NDUFS4: variants seen among roughly 807,000 people sequenced by gnomAD.
NDUFS4 encodes the protein NADH dehydrogenase [ubiquinone] iron-sulfur protein 4, mitochondrial.
Under a neutral mutation model 24.3 loss-of-function variants are expected in NDUFS4, and 28 were observed. The ratio of observed to expected loss-of-function variants is 1.15; its 90% confidence interval spans 0.85 to 1.58. NDUFS4 has a LOEUF of 1.58. Among genes scored for constraint, NDUFS4 ranks in the 40% most tolerant of loss-of-function variants. NDUFS4 has a pLI of 0.00. For missense variants in NDUFS4, 223 were observed against 207.9 expected, an observed-to-expected ratio of 1.07 and a Z score of -0.45; for synonymous variants, 93 against 69.7, an observed-to-expected ratio of 1.34 and a Z score of -1.67.
chr5:53,594,527 G>A (rs1579849748), intron 1 of NDUFS4, among the ~76,000 whole-genome samples: 2 of 151,998 alleles, frequency 1.3e-5, no homozygotes, highest in African/African-American at 4.8e-5. Context: ...TGCATTTAAA[G>A]TGATTATTGA....
chr5:53,620,500 CTG>C (rs1751000588), intron 2 of NDUFS4, among the ~76,000 whole-genome samples: 1 of 152,162 alleles, frequency 6.6e-6, no homozygotes, highest in African/African-American at 2.4e-5. Context: ...TCACAAATCT[CTG>C]TATACTAGGC....
chr5:53,586,817 C>A (rs539864351), intron 1 of NDUFS4, among the ~76,000 whole-genome samples: 5 of 152,050 alleles, frequency 3.3e-5, no homozygotes, highest in African/African-American at 1.2e-4. Flanking sequence ...GCCACCGTGC[C>A]CAGCCTGTTT....
At position 53,646,289 on chromosome 5, in the gene NDUFS4, G is replaced by A. The variant is rs1751860698; in HGVS notation, c.234G>A (p.Arg78=). ...PEEHIKTRKV[R]IFVPARNNMQ... The stretch of plus-strand genomic sequence containing the variant: ...AGCATATAAAAACTAGAAAAGTCAG[G>A]ATCTTTGTTCCTGCTCGCAATAACA... Residue 78 remains arginine, a synonymous_variant, in exon 3 of 5, where the codon AGG becomes AGA. Transcript: ENST00000296684. 6.2e-7 allele frequency: 1 copy of A among 1,613,456 alleles called. No homozygotes were observed. Among genetic ancestry groups the A allele is most frequent in the African/African-American group, 1.3e-5 (1 of 75,002 alleles).
At position 53,640,698 on chromosome 5, in the gene NDUFS4, A is replaced by G. The variant is rs143425688; in HGVS notation, c.178-5535A>G. Among the ~76,000 whole-genome samples the G allele has an allele frequency of 6.5e-3, 984 of 152,274 alleles. 13 individuals carry two copies. The highest frequency in any genetic ancestry group is 0.022 in the African/African-American group (908 of 41,564). ...GACCATTTGTGAGGGATCTGCTCCA[A>G]TGACCCAAAAACCTCCCGTTAGGCC... On this transcript the variant is annotated intron_variant, in intron 2 of 4. Transcript: ENST00000296684.
chr5:53,634,277 C>T (rs1432131253), intron 2 of NDUFS4, among the ~76,000 whole-genome samples: 1 of 152,058 alleles, frequency 6.6e-6, no homozygotes, highest in African/African-American at 2.4e-5. Context: ...AAATCTGAAG[C>T]GTTCAGTTTT....
chr5:53,659,130 A>G (rs1245437690), intron 4 of NDUFS4, among the ~76,000 whole-genome samples: 3 of 152,156 alleles, frequency 2.0e-5, no homozygotes, highest in African/African-American at 4.8e-5. Context: ...TTCTAGATAT[A>G]GTGGGCCTAA....
chr5:53,587,475 A>C (rs978436844), intron 1 of NDUFS4, among the ~76,000 whole-genome samples: 1 of 152,204 alleles, frequency 6.6e-6, no homozygotes, highest in Non-Finnish European at 1.5e-5. Context: ...AATGAGCAAA[A>C]GGCATATATT....
intron 2 of NDUFS4, among the ~76,000 whole-genome samples, chr5:53,642,056 G>A (rs1751720362): frequency 6.6e-6 from 1 of 151,978 alleles, no homozygotes; most frequent in Non-Finnish European, 1.5e-5. Context: ...GGCTTTTCTG[G>A]GCGTACTGAG....
chr5:53,597,917 G>A (rs1750178763), intron 1 of NDUFS4, among the ~76,000 whole-genome samples: 1 of 152,034 alleles, frequency 6.6e-6, no homozygotes, highest in South Asian at 2.1e-4. Flanking sequence ...AAGAAAACAA[G>A]CAACCCAATT....
chr5:53,591,471 G>GT (rs959386628), intron 1 of NDUFS4, among the ~76,000 whole-genome samples: 1 of 128,116 alleles, frequency 7.8e-6, no homozygotes, highest in African/African-American at 2.9e-5. Flanking sequence ...TGGGGGGGGG[G>GT]GGTGATAATA....
intron 1 of NDUFS4, among the ~76,000 whole-genome samples, chr5:53,602,428 G>A (rs1359001408): frequency 6.6e-6 from 1 of 151,972 alleles, no homozygotes; most frequent in Non-Finnish European, 1.5e-5. Context: ...ATATTTTAAA[G>A]TATATTCATA....
rs188552352 is a variant in NDUFS4, at chr5:53,587,466, A to G, written c.99-15986A>G. Among the ~76,000 whole-genome samples the G allele has an allele frequency of 2.4e-3, 371 of 152,354 alleles. 3 individuals are homozygous for G. Among genetic ancestry groups the G allele is most frequent in the Non-Finnish European group, 4.3e-3 (291 of 68,032 alleles). ...TTATTTTGCATATATATGTATATAA[A>G]TGAGCAAAAGGCATATATTTGAGTA... On this transcript the variant is annotated intron_variant, in intron 1 of 4. Coordinates refer to ENST00000296684, the MANE Select transcript of NDUFS4 (RefSeq NM_002495.4).
chr5:53,665,888 A>G (rs1192167777), intron 4 of NDUFS4, among the ~76,000 whole-genome samples: 1 of 152,212 alleles, frequency 6.6e-6, no homozygotes, highest in Non-Finnish European at 1.5e-5. Context: ...TCAGTTGGAA[A>G]TGCAGAAATC....
rs773175642 is a variant in NDUFS4, at chr5:53,683,148, T to G, written c.455T>G (p.Val152Gly). The G allele has an allele frequency of 6.2e-7, 1 of 1,611,362 alleles. No individual in the cohort carries two copies. The highest frequency in any genetic ancestry group is 1.7e-5 in the Admixed American group (1 of 59,902). ...AGCTATGACATTGAAGAGAGGAAGG[T>G]TCCAAAACCCAAGTCCAAGTCTTAT... The part of the protein sequence containing the change: ...GWSYDIEERK[V>G]PKPKSKSYGA... The change falls in exon 5 of 5, where the codon GTT becomes GGT. Residue 152 changes from valine to glycine, a missense_variant. Physicochemically the swap from Val to Gly is moderately radical, Grantham distance 109 (BLOSUM62 -3). Coordinates refer to ENST00000296684, the MANE Select transcript of NDUFS4 (RefSeq NM_002495.4).
chr5:53,618,883 G>T (rs1205747988), intron 2 of NDUFS4, among the ~76,000 whole-genome samples: 1 of 151,912 alleles, frequency 6.6e-6, no homozygotes, highest in Admixed American at 6.5e-5. Context: ...GGAGGCTGAG[G>T]TGGGTGGATT....
At chr5:53,633,739 T>A (rs1255120301) in intron 2 of NDUFS4, among the ~76,000 whole-genome samples, 1 of 152,226 alleles carries the variant, frequency 6.6e-6, no homozygotes, top group African/African-American at 2.4e-5. Flanking sequence ...TTTTGTCTCC[T>A]TCATACTAAT....
chr5:53,652,209 T>C (rs1181792303), intron 3 of NDUFS4, among the ~76,000 whole-genome samples: 1 of 152,080 alleles, frequency 6.6e-6, no homozygotes, highest in Non-Finnish European at 1.5e-5. Context: ...ATAAGAAATA[T>C]GACAAATGTA....
intron 2 of NDUFS4, among the ~76,000 whole-genome samples, chr5:53,624,502 T>C (rs1460671919): frequency 2.6e-5 from 4 of 152,198 alleles, no homozygotes; most frequent in Admixed American, 2.0e-4. Context: ...CTTATGTCTT[T>C]AATTTCTTTT....
At chr5:53,582,616 C>T (rs1749609191) in intron 1 of NDUFS4, among the ~76,000 whole-genome samples, 2 of 152,330 alleles carry the variant, frequency 1.3e-5, no homozygotes, top group Admixed American at 1.3e-4. Flanking sequence ...TTTTCATCAA[C>T]ATATAACAAA....
Sources: gnomAD v4.1 joint callset for allele counts (sites outside exome capture counted in the v4.1 genomes callset) on GRCh38, gnomAD v4.1.1 for gene constraint, MANE v1.5 for transcripts, NCBI Gene and HGNC (gene_info 2026-07-23, HGNC 2026-07-21) for gene names.